Variants in WDR4 observed in about 807,000 individuals in gnomAD.
The protein encoded by WDR4 is WDR4 tRNA N7-guanosine methyltransferase non-catalytic subunit.
A neutral mutation model predicts 48.6 loss-of-function variants in WDR4; 47 were observed. That is an observed-to-expected ratio of 0.97 (90% CI 0.77 to 1.23). The LOEUF (loss-of-function observed/expected upper bound fraction) is 1.23, where lower values mean the gene tolerates loss of function less well. Among genes scored for constraint, WDR4 ranks in the 50% most tolerant of loss-of-function variants. The pLI is 0.00. For missense variants in WDR4, 606 were observed against 551.6 expected (o/e 1.10, Z -0.99); for synonymous variants, 268 against 230.0 (o/e 1.17, Z -1.49).
chr21:42,844,797 G>A (rs75166603), downstream of WDR4, among the ~76,000 whole-genome samples: 108 of 152,226 alleles, frequency 7.1e-4, no homozygotes, highest in African/African-American at 2.4e-3. Context: ...CCTTCCCACC[G>A]TGGTGAATGA....
chr21:42,881,342 G>A (rs17178785), upstream of WDR4, among the ~76,000 whole-genome samples: 8,560 of 152,244 alleles, frequency 0.056, 350 homozygotes, highest in Non-Finnish European at 0.088. Flanking sequence ...CAACTATTGG[G>A]TCTAATAATA....
chr21:42,860,368 T>C (rs1360040457), intron 5 of WDR4, among the ~76,000 whole-genome samples: 1 of 152,192 alleles, frequency 6.6e-6, no homozygotes, highest in African/African-American at 2.4e-5. Flanking sequence ...AGAACAGCCA[T>C]GAAGAATAAC....
At chr21:42,848,193 T>C (rs886837719), downstream of WDR4, among the ~76,000 whole-genome samples, 8 of 152,190 alleles carry the variant, frequency 5.3e-5, no homozygotes, top group Non-Finnish European at 7.4e-5. Context: ...CCTGTTCCTG[T>C]GTGGAGACTT....
chr21:42,879,538 G>C lies in WDR4; in HGVS notation c.-43C>G. On this transcript the variant is annotated 5_prime_UTR_variant, in exon 1 of 11. Coordinates refer to ENST00000398208, the MANE Select transcript of WDR4 (RefSeq NM_018669.6). ...CGCCATACACATGTGCCAGCCCAGA[G>C]CCTCTTCCTGTCCGCACCGGTCGGT... 1 of 1,606,266 alleles carries C rather than the reference G, an allele frequency of 6.2e-7. No individual in the cohort carries two copies. The highest frequency in any genetic ancestry group is 8.5e-7 in the Non-Finnish European group (1 of 1,176,366).
Position 42,853,221 on chromosome 21 carries a change from C to T in WDR4, c.975+348G>A, listed in dbSNP as rs568933894. Among the ~76,000 whole-genome samples the T allele has an allele frequency of 4.6e-5, 7 of 152,240 alleles. No homozygotes were observed. The East Asian group carries it at 9.7e-4, about 21-fold the overall frequency. On this transcript the variant is annotated intron_variant, in intron 9 of 10. Transcript: ENST00000398208. ...GAGGACTCAGCCAGTGCCCCAGGCCCGAGGCTGTGCTAATCCAGCCTCCAA... is the reference window on the plus strand; with the variant it reads ...GAGGACTCAGCCAGTGCCCCAGGCCTGAGGCTGTGCTAATCCAGCCTCCAA...
At chr21:42,873,197 GC>G (rs2058410692) in intron 3 of WDR4, among the ~76,000 whole-genome samples, 1 of 152,172 alleles carries the variant, frequency 6.6e-6, no homozygotes, top group South Asian at 2.1e-4. Context: ...CCTTGTTCCT[GC>G]TAATCACAAG....
chr21:42,866,712 T>C (rs1017803688), intron 3 of WDR4, among the ~76,000 whole-genome samples: 3 of 151,346 alleles, frequency 2.0e-5, no homozygotes, highest in Admixed American at 2.0e-4. Context: ...CCCACTCGCA[T>C]CCCCCAAACC....
chr21:42,863,835 A>G lies in WDR4; in HGVS notation c.297-239T>C, dbSNP rs563102787. The stretch of plus-strand genomic sequence containing the variant: ...AAGAAAATTGCTCCTAGCCGGGCGC[A>G]GTGGCTCACACCTGTAATCCCAGCA... On this transcript the variant is annotated intron_variant, in intron 3 of 10. Transcript: ENST00000398208. Among the ~76,000 whole-genome samples the G allele has an allele frequency of 9.8e-4, 147 of 150,544 alleles. 1 individual carries two copies. Among genetic ancestry groups the G allele is most frequent in the East Asian group, 1.5e-3 (8 of 5,166 alleles).
intron 3 of WDR4, among the ~76,000 whole-genome samples, chr21:42,872,792 C>G (rs2058402029): frequency 6.6e-6 from 1 of 151,850 alleles, no homozygotes; most frequent in South Asian, 2.1e-4. Context: ...AAAAAATTAG[C>G]CGGGCATGGT....
At chr21:42,865,529 G>A (rs111440578) in intron 3 of WDR4, among the ~76,000 whole-genome samples, 2,925 of 152,224 alleles carry the variant, frequency 0.019, 104 homozygotes, top group African/African-American at 0.067. Context: ...ACTGCTCCGC[G>A]TCCCTTTGTC....
the WDR4 span, among the ~76,000 whole-genome samples, chr21:42,887,326 A>T: frequency 6.8e-6 from 1 of 148,068 alleles, no homozygotes; most frequent in Non-Finnish European, 1.5e-5. Flanking sequence ...TTTTATAAAG[A>T]GGCAGAGTCT....
Position 42,853,580 on chromosome 21 carries a change from C to G in WDR4, c.964G>C (p.Asp322His). The change falls in exon 9 of 11, where the codon GAC becomes CAC. Residue 322 changes from aspartate to histidine, a missense_variant. Physicochemically the swap from Asp to His is moderately conservative, Grantham distance 81. Coordinates refer to ENST00000398208, the MANE Select transcript of WDR4 (RefSeq NM_018669.6). The stretch of plus-strand genomic sequence containing the variant: ...GTGCCGAGTCTCACCTGCCACTGGT[C>G]GCCCACAGGCCTGTAGAGCACCAGG... Reference protein sequence around the residue: ...APLVLYRPVGDQWQSVPESTV... With the variant: ...APLVLYRPVGHQWQSVPESTV... 6.8e-6 allele frequency: 11 copies of G among 1,608,540 alleles called. No homozygotes were observed. Among genetic ancestry groups the G allele is most frequent in the Non-Finnish European group, 9.3e-6 (11 of 1,177,520 alleles).
chr21:42,880,462 A>T (rs2058598804), upstream of WDR4, among the ~76,000 whole-genome samples: 1 of 152,122 alleles, frequency 6.6e-6, no homozygotes, highest in African/African-American at 2.4e-5. Flanking sequence ...CGTGCACGCA[A>T]TATATGATGG....
intron 1 of WDR4, 101 bp downstream of exon 1, chr21:42,879,306 C>T: frequency 6.5e-7 from 1 of 1,532,504 alleles, no homozygotes; most frequent in South Asian, 1.2e-5. Context: ...GGGGTCACCC[C>T]AGAGTGGGTG....
chr21:42,868,914 T>G (rs1373549768), intron 3 of WDR4, among the ~76,000 whole-genome samples: 1 of 152,086 alleles, frequency 6.6e-6, no homozygotes, highest in Non-Finnish European at 1.5e-5. Flanking sequence ...CAGGAAGAGG[T>G]ACAAGGAAAC....
chr21:42,859,430 G>A (rs779055724), intron 6 of WDR4, among the ~76,000 whole-genome samples: 3 of 152,020 alleles, frequency 2.0e-5, no homozygotes, highest in South Asian at 2.1e-4. Flanking sequence ...CCACACACCC[G>A]TGCTAGTTCA....
Position 42,849,761 on chromosome 21 carries a change from G to A in WDR4, c.*288C>T, listed in dbSNP as rs529719257. Reference sequence around the variant, plus strand: ...AACAGGAGAAACACAGACAGCTGCCGCCACCACCGGCTCACACGCAGCCTC... The same window carrying A: ...AACAGGAGAAACACAGACAGCTGCCACCACCACCGGCTCACACGCAGCCTC... On this transcript the variant is annotated 3_prime_UTR_variant, in exon 11 of 11. Transcript: ENST00000398208. 6.3e-5 allele frequency: 22 copies of A among 350,762 alleles called. 1 individual carries two copies. In the Admixed American group the frequency reaches 6.5e-4, roughly 10 times the overall value. 21.7% of individuals were successfully genotyped at this position (350,762 alleles called of 1,614,324 possible). A position where few individuals can be genotyped will look rare whatever the true frequency, so the allele number is the denominator to read the frequency against.
At chr21:42,891,690 G>T in the WDR4 span, among the ~76,000 whole-genome samples, 1 of 152,200 alleles carries the variant, frequency 6.6e-6, no homozygotes, top group African/African-American at 2.4e-5. Flanking sequence ...GGGTGTAGTG[G>T]CTCACGCCTG....
chr21:42,844,289 A>C (rs2057691762), downstream of WDR4, among the ~76,000 whole-genome samples: 1 of 152,086 alleles, frequency 6.6e-6, no homozygotes, highest in Admixed American at 6.6e-5. Context: ...ATCTTGACAA[A>C]CCCCCAAAAC....
Sources: allele counts gnomAD v4.1 joint callset (sites outside exome capture counted in the v4.1 genomes callset), GRCh38; gene constraint gnomAD v4.1.1; transcripts MANE v1.5; gene names NCBI Gene and HGNC (gene_info 2026-07-23, HGNC 2026-07-21).